Variants in GRIN2C observed in about 807,000 individuals in gnomAD.
GRIN2C encodes the protein glutamate receptor ionotropic, NMDA 2C.
GRIN2C carries 64 observed loss-of-function variants against 77.7 expected under a neutral mutation model. The observed-to-expected ratio is 0.82, with a 90% CI of 0.67 to 1.01. GRIN2C has a LOEUF of 1.01. Ranked by LOEUF, GRIN2C falls within the 50% of genes least tolerant of loss-of-function variation. GRIN2C has a pLI of 0.00. For synonymous variants in GRIN2C, 792 were observed against 643.4 expected, an observed-to-expected ratio of 1.23 and a Z score of -3.49; for missense variants, 1,549 against 1,486.0, an observed-to-expected ratio of 1.04 and a Z score of -0.70.
chr17:74,850,173 G>A lies in GRIN2C; in HGVS notation c.1491+33C>T. 1 of 1,609,366 alleles carries A rather than the reference G, an allele frequency of 6.2e-7. No individual in the cohort carries two copies. Among genetic ancestry groups the A allele is most frequent in the Non-Finnish European group, 8.5e-7 (1 of 1,177,878 alleles). On this transcript the variant is annotated intron_variant, in intron 6 of 12. Transcript: ENST00000293190. The surrounding 1 kb of genome is among the most constrained non-coding windows in gnomAD (Gnocchi z 5.3). ...GGCCTGGGCAGCAGGTGGGCAGGCA[G>A]GGCAGGTGAGGAGGGAGTGGGGTGG...
chr17:74,843,200 G>A lies in GRIN2C; in HGVS notation c.2937C>T (p.Gly979=). The A allele has an allele frequency of 4.5e-6, 2 of 440,966 alleles. No homozygotes were observed. The highest frequency in any genetic ancestry group is 7.5e-6 in the Non-Finnish European group (2 of 265,486). The allele number at this position is 440,966 out of a possible 1,614,324, so 27.3% of individuals were successfully genotyped here. The change falls in exon 13 of 13, where the codon GGC becomes GGT. Residue 979 remains glycine (G), a synonymous_variant. Transcript: ENST00000293190. The part of the protein sequence containing the change: ...ALVRRAPQPP[G]RPPTPGPPLS... ...GGGGCGGCCCCGGCGTCGGGGGGCG[G>A]CCCGGGGGCTGCGGAGCCCTGCGCA...
chr17:74,843,617 T>TC (rs1422234489), intron 12 of GRIN2C, 64 bp from the exon 13 acceptor site: 2 of 1,514,998 alleles, frequency 1.3e-6, no homozygotes, highest in Non-Finnish European at 1.8e-6. Context: ...GCCACGATTG[T>TC]CCCTGCCTGG....
Position 74,843,553 on chromosome 17 carries a change from C to A in GRIN2C, c.2584G>T (p.Gly862Cys). 1 of 1,532,586 alleles carries A rather than the reference C, an allele frequency of 6.5e-7. No homozygotes were observed. Among genetic ancestry groups the A allele is most frequent in the Non-Finnish European group, 8.7e-7 (1 of 1,146,258 alleles). The allele number at this position is 1,532,586 out of a possible 1,614,324, so 94.9% of individuals were successfully genotyped here. A position where few individuals can be genotyped will look rare whatever the true frequency, so the allele number is the denominator to read the frequency against. The change falls in exon 13 of 13, where the codon GGC (glycine) becomes TGC (cysteine). Residue 862 changes from glycine (G) to cysteine (C), a missense_variant and splice_region_variant. Transcript: ENST00000293190. The part of the protein sequence containing the change: ...QLDFLLAFSR[G>C]IYSCFSGVQS... ...ACCCCGCTGAAGCAGCTGTAGATGC[C>A]CTGGGCAGTAGGGAGACGACAGGCC...
At position 74,851,596 on chromosome 17, in the gene GRIN2C, C is replaced by A; in HGVS notation, c.1094G>T (p.Arg365Leu). Reference sequence around the variant, plus strand: ...TCTCACCATCTCCCAGAGGCGGTGCCGGTTGAGGGCGATCACCACCATGGT... The same window carrying A: ...TCTCACCATCTCCCAGAGGCGGTGCAGGTTGAGGGCGATCACCACCATGGT... ...QPTMVVIALN[R>L]HRLWEMVGRW... The change falls in exon 4 of 13, where the codon CGG becomes CTG. Residue 365 changes from arginine to leucine, a missense_variant. This residue lies in a region of GRIN2C where 717 missense variants were observed against 858.1 expected (regional missense o/e 0.84). Coordinates refer to ENST00000293190, the MANE Select transcript of GRIN2C (RefSeq NM_000835.6). 1.3e-6 allele frequency: 2 copies of A among 1,558,924 alleles called. No homozygotes were observed. Among genetic ancestry groups the A allele is most frequent in the East Asian group, 2.4e-5 (1 of 42,006 alleles).
At chr17:74,860,339 C>A (rs1314244557), upstream of GRIN2C, 3 of 444,530 alleles carry the variant, frequency 6.7e-6, no homozygotes, top group Non-Finnish European at 1.4e-5. Flanking sequence ...CGCCACCATC[C>A]GAGGGCTGGG....
At position 74,859,862 on chromosome 17, in the gene GRIN2C, G is replaced by T; in HGVS notation, c.-134C>A. On this transcript the variant is annotated 5_prime_UTR_variant, in exon 1 of 13. Coordinates refer to ENST00000293190, the MANE Select transcript of GRIN2C (RefSeq NM_000835.6). The surrounding 1 kb of genome is among the most constrained non-coding windows in gnomAD (Gnocchi z 5.9). ...CGAGCAGCGAGAGCCACCGTCACCC[G>T]CGGCTCAAGGACACTCGCGATGCGG... is the stretch of plus-strand genomic sequence containing the variant. The T allele has an allele frequency of 6.3e-6, 1 of 158,348 alleles. No homozygotes were observed. The highest frequency in any genetic ancestry group is 1.7e-4 in the South Asian group (1 of 5,804). 9.8% of individuals were successfully genotyped at this position (158,348 alleles called of 1,614,324 possible).
In GRIN2C at chr17:74,847,927, C is replaced by T. The variant is rs1478105748; in HGVS notation, c.1696G>A (p.Val566Met). 1 of 1,613,946 alleles carries T rather than the reference C, an allele frequency of 6.2e-7. No individual in the cohort carries two copies. The change falls in exon 8 of 13, where the codon GTG becomes ATG. Residue 566 changes from valine (V) to methionine (M), a missense_variant. By Grantham distance (21) the Val-to-Met change is conservative. Coordinates refer to ENST00000293190, the MANE Select transcript of GRIN2C (RefSeq NM_000835.6). This position sits in a 1 kb window ranked among gnomAD's most constrained non-coding sequence, Gnocchi z 5.2. ...AACATGAAGACGGTGATGGCCACCA[C>T]AGTGAGGCACATGACAAACATCATC... is the stretch of plus-strand genomic sequence containing the variant. ...WVMMFVMCLT[V>M]VAITVFMFEY... is the part of the protein sequence containing the mutation.
upstream of GRIN2C, chr17:74,860,535 G>A (rs536481933): frequency 8.8e-6 from 4 of 455,888 alleles, no homozygotes; most frequent in African/African-American, 8.0e-5. Flanking sequence ...CCCTGCCCGC[G>A]TAGGCAGGAA....
rs144815165 is a variant in GRIN2C at position 74,855,035 on chromosome 17, C to T, written c.58G>A (p.Gly20Arg). ...TGCTCGCCCTGCCCCGGACCCAGCC[C>T]TGCCCAGGCACCGAAGAGCGAGGTG... ...LLTSLFGAWA[G>R]LGPGQGEQGM... Residue 20 changes from glycine to arginine, a missense_variant, in exon 2 of 13, where the codon GGG becomes AGG. Gly to Arg is a moderately radical substitution (Grantham distance 125, BLOSUM62 -2). Coordinates refer to ENST00000293190, the MANE Select transcript of GRIN2C (RefSeq NM_000835.6). The T allele has an allele frequency of 3.7e-6, 6 of 1,600,812 alleles. No individual in the cohort carries two copies. The highest frequency in any genetic ancestry group is 1.7e-5 in the Admixed American group (1 of 59,848).
chr17:74,851,767 A>G, intron 3 of GRIN2C, 76 bp from the exon 4 acceptor site: 1 of 886,148 alleles, frequency 1.1e-6, no homozygotes, highest in Non-Finnish European at 1.8e-6. Flanking sequence ...GCCGCCACCG[A>G]CAGCAGGTGG....
chr17:74,852,349 G>T lies in GRIN2C; in HGVS notation c.662C>A (p.Ala221Glu), dbSNP rs1339312862. ...RTQRLLRQLDAPVFVAYCSRE... is the reference protein window; with the variant it reads ...RTQRLLRQLDEPVFVAYCSRE... ...CGAGCAGTAGGCCACAAACACGGGCGCGTCGAGCTGGCGCAGCAGGCGCTG... is the reference window on the plus strand; with the variant it reads ...CGAGCAGTAGGCCACAAACACGGGCTCGTCGAGCTGGCGCAGCAGGCGCTG... The change falls in exon 3 of 13, where the codon GCG (alanine) becomes GAG (glutamate). Residue 221 changes from alanine to glutamate, a missense_variant. Coordinates refer to ENST00000293190, the MANE Select transcript of GRIN2C (RefSeq NM_000835.6). 6.9e-7 allele frequency: 1 copy of T among 1,454,470 alleles called. No homozygotes were observed. Among genetic ancestry groups the T allele is most frequent in the African/African-American group, 1.5e-5 (1 of 67,186 alleles). The allele number at this position is 1,454,470 out of a possible 1,614,324, so 90.1% of individuals were successfully genotyped here.
At chr17:74,860,621 G>C, upstream of GRIN2C, 1 of 408,474 alleles carries the variant, frequency 2.4e-6, no homozygotes. Context: ...GCAGGCGGCT[G>C]GTGCGCAGCC....
intron 11 of GRIN2C, among the ~76,000 whole-genome samples, chr17:74,844,906 A>G (rs185732361): frequency 1.5e-3 from 231 of 152,230 alleles, no homozygotes; most frequent in African/African-American, 5.3e-3. Context: ...TAAGAGACAC[A>G]CATTGTGATT....
In GRIN2C at chr17:74,850,310, T is replaced by C. The variant is rs1220829619; in HGVS notation, c.1387A>G (p.Lys463Glu). The change falls in exon 6 of 13, where the codon AAG becomes GAG. Residue 463 changes from lysine (K) to glutamate (E), a missense_variant. Physicochemically the swap from Lys to Glu is moderately conservative, Grantham distance 56 (BLOSUM62 1). Coordinates refer to ENST00000293190, the MANE Select transcript of GRIN2C (RefSeq NM_000835.6). This position sits in a 1 kb window ranked among gnomAD's most constrained non-coding sequence, Gnocchi z 5.3. ...AATTTGACCACTCTGGCCAGCTTCT[T>C]GAGGATGTCGATGCAGAATCCCTTA... ...CCKGFCIDIL[K>E]KLARVVKFSY... The C allele has an allele frequency of 1.9e-6, 3 of 1,613,690 alleles. No individual in the cohort carries two copies. The highest frequency in any genetic ancestry group is 2.5e-6 in the Non-Finnish European group (3 of 1,179,962).
At position 74,850,824 on chromosome 17, in the gene GRIN2C, A is replaced by C. The variant is rs1598485293; in HGVS notation, c.1114-57T>G. On this transcript the variant is annotated intron_variant, in intron 4 of 12. Transcript: ENST00000293190. This position sits in a 1 kb window ranked among gnomAD's most constrained non-coding sequence, Gnocchi z 5.3. ...TCCAGCCCTACAGCCCCCACCCTCT[A>C]GGTGGAGCCTGCCAGGGCCAAGAAT... The C allele has an allele frequency of 7.1e-7, 1 of 1,411,494 alleles. No individual in the cohort carries two copies. The allele number at this position is 1,411,494 out of a possible 1,614,324, so 87.4% of individuals were successfully genotyped here.
At chr17:74,852,736 A>G (rs1328443898) in intron 2 of GRIN2C, 125 bp from the exon 3 acceptor site, 1 of 496,350 alleles carries the variant, frequency 2.0e-6, no homozygotes, top group African/African-American at 2.1e-5. Context: ...GCATTCCGGG[A>G]GCCCTCTGGC....
At chr17:74,844,642 C>T in intron 11 of GRIN2C, 134 bp from the exon 12 acceptor site, 1 of 1,439,244 alleles carries the variant, frequency 6.9e-7, no homozygotes, top group Non-Finnish European at 9.1e-7. Context: ...AAGCAGACCA[C>T]ATGGGGATCC....
chr17:74,843,124 GC>G lies in GRIN2C; in HGVS notation c.3012del (p.Trp1004CysfsTer207). 1 of 423,932 alleles carries G rather than the reference GC, an allele frequency of 2.4e-6. No individual in the cohort carries two copies. Among genetic ancestry groups the G allele is most frequent in the Non-Finnish European group, 4.2e-6 (1 of 240,460 alleles). 26.3% of individuals were successfully genotyped at this position (423,932 alleles called of 1,614,324 possible). On this transcript the variant is annotated frameshift_variant, in exon 13 of 13. Coordinates refer to ENST00000293190, the MANE Select transcript of GRIN2C (RefSeq NM_000835.6). LOFTEE classifies it low-confidence loss of function (END_TRUNC). ...VSRRPAWEAR[W>X]PVRTGHCGRH... ...CTCCCGCAGTGCCCGGTCCGCACCG[GC>G]CACCGCGCCTCCCAGGCTGGGCGGC...
rs139011774 is a variant in GRIN2C, at chr17:74,843,508, G to A, written c.2629C>T (p.Pro877Ser). Reference protein sequence around the residue: ...FSGVQSLASPPRQASPDLTAS... With the variant: ...FSGVQSLASPSRQASPDLTAS... Reference sequence around the variant, plus strand: ...GTGAGGTCCGGGCTGGCCTGCCGCGGTGGGCTGGCGAGGCTCTGCACCCCG... The same window carrying A: ...GTGAGGTCCGGGCTGGCCTGCCGCGATGGGCTGGCGAGGCTCTGCACCCCG... Residue 877 changes from proline (P) to serine (S), a missense_variant, in exon 13 of 13, where the codon CCG (proline) becomes TCG (serine). By Grantham distance (74) the Pro-to-Ser change is moderately conservative (BLOSUM62 -1). This residue lies in a region of GRIN2C where 450 missense variants were observed against 267.9 expected (regional missense o/e 1.68). Transcript: ENST00000293190. 8.2e-4 allele frequency: 1,253 copies of A among 1,533,560 alleles called. 11 individuals are homozygous for A. In the African/African-American group the frequency reaches 0.013, roughly 16 times the overall value. 95.0% of individuals were successfully genotyped at this position (1,533,560 alleles called of 1,614,324 possible). A position where few individuals can be genotyped will look rare whatever the true frequency, so the allele number is the denominator to read the frequency against.
Sources: allele counts gnomAD v4.1 joint callset (sites outside exome capture counted in the v4.1 genomes callset), GRCh38; gene constraint gnomAD v4.1.1; regional missense constraint gnomAD v4.1.1; non-coding constraint Gnocchi (gnomAD v3.1); transcripts MANE v1.5; gene names NCBI Gene and HGNC (gene_info 2026-07-23, HGNC 2026-07-21).